The following RREB1 variants were observed in gnomAD, a reference collection of about 807,000 sequenced individuals.
RREB1 encodes ras-responsive element-binding protein 1.
Under a neutral mutation model 117.8 loss-of-function variants are expected in RREB1, and 27 were observed. The observed-to-expected ratio is 0.23, with a 90% CI of 0.17 to 0.32. The LOEUF (loss-of-function observed/expected upper bound fraction) is 0.32. RREB1 is among the 10% of genes least tolerant of loss of function. RREB1 has a pLI of 1.00. For missense variants in RREB1, 2,577 were observed against 2,378.2 expected, an observed-to-expected ratio of 1.08 and a Z score of -1.74; for synonymous variants, 1,298 against 1,026.7, an observed-to-expected ratio of 1.26 and a Z score of -5.05.
intron 8 of RREB1, among the ~76,000 whole-genome samples, chr6:7,222,678 C>A (rs1195174723): frequency 6.6e-6 from 1 of 152,072 alleles, no homozygotes; most frequent in African/African-American, 2.4e-5. Context: ...ATTAAAAATT[C>A]AAGCCAGGTG....
intron 1 of RREB1, among the ~76,000 whole-genome samples, chr6:7,141,698 A>G (rs749659029): frequency 1.8e-4 from 28 of 152,236 alleles, no homozygotes; most frequent in Non-Finnish European, 3.5e-4. Flanking sequence ...AAGAAAAACC[A>G]CGTATCTAGA....
At chr6:7,200,230 ATGTATGTGTGTATATG>A (rs1765880830) in intron 6 of RREB1, among the ~76,000 whole-genome samples, 1 of 142,708 alleles carries the variant, frequency 7.0e-6, no homozygotes, top group South Asian at 2.3e-4. Flanking sequence ...ATATATATAT[ATGTATGTGTGTATATG>A]TGTGTGTGTG....
intron 1 of RREB1, among the ~76,000 whole-genome samples, chr6:7,167,963 A>T (rs962616498): frequency 4.0e-5 from 6 of 151,604 alleles, no homozygotes; most frequent in African/African-American, 1.4e-4. Context: ...GCCAAAATTT[A>T]AGACTCCCCA....
At chr6:7,153,414 A>ACG (rs1491466809) in intron 1 of RREB1, among the ~76,000 whole-genome samples, 1 of 25,046 alleles carries the variant, frequency 4.0e-5, no homozygotes, top group Non-Finnish European at 1.1e-4. Context: ...GTAGTGGTAT[A>ACG]CACACACACA....
At chr6:7,201,103 G>T (rs1263775955) in intron 6 of RREB1, among the ~76,000 whole-genome samples, 1 of 152,156 alleles carries the variant, frequency 6.6e-6, no homozygotes, top group African/African-American at 2.4e-5. Context: ...CTTGCTGGGG[G>T]TAGGATGACT....
intron 1 of RREB1, among the ~76,000 whole-genome samples, chr6:7,172,867 G>C (rs1764292495): frequency 6.6e-6 from 1 of 152,214 alleles, no homozygotes; most frequent in African/African-American, 2.4e-5. Flanking sequence ...TTTGCAGGCA[G>C]AACAGGCATG....
intron 10 of RREB1, among the ~76,000 whole-genome samples, chr6:7,239,098 G>T (rs894871200): frequency 1.3e-5 from 2 of 152,232 alleles, no homozygotes; most frequent in African/African-American, 4.8e-5. Flanking sequence ...CATTCACAGG[G>T]GAGTGCGTGG....
At chr6:7,123,112 C>A (rs1761747977) in intron 1 of RREB1, among the ~76,000 whole-genome samples, 2 of 151,814 alleles carry the variant, frequency 1.3e-5, no homozygotes, top group African/African-American at 4.8e-5. Flanking sequence ...CGGCTGTTTT[C>A]TGGATATGTT....
chr6:7,230,128 G>A lies in RREB1; in HGVS notation c.2029G>A (p.Asp677Asn). 1 of 1,604,678 alleles carries A rather than the reference G, an allele frequency of 6.2e-7. No homozygotes were observed. Among genetic ancestry groups the A allele is most frequent in the Admixed American group, 1.7e-5 (1 of 59,794 alleles). The change falls in exon 10 of 13, where the codon GAC becomes AAC. Residue 677 changes from aspartate (D) to asparagine (N), a missense_variant. By Grantham distance (23) the Asp-to-Asn change is conservative. Coordinates refer to ENST00000379938, the MANE Select transcript of RREB1 (RefSeq NM_001003699.4). ...GISPYQCNIC[D>N]YIAADKAALI... is the part of the protein sequence containing the mutation. ...CTCGCCATACCAGTGCAACATCTGCGACTACATCGCCGCCGACAAGGCCGC... is the reference window on the plus strand; with the variant it reads ...CTCGCCATACCAGTGCAACATCTGCAACTACATCGCCGCCGACAAGGCCGC...
chr6:7,135,962 T>G (rs544695421), intron 1 of RREB1, among the ~76,000 whole-genome samples: 1 of 152,152 alleles, frequency 6.6e-6, no homozygotes, highest in Non-Finnish European at 1.5e-5. Context: ...GTGAGAGAGG[T>G]GGCATATGAC....
intron 6 of RREB1, among the ~76,000 whole-genome samples, chr6:7,208,876 C>G (rs868551222): frequency 6.6e-6 from 1 of 152,184 alleles, no homozygotes; most frequent in Non-Finnish European, 1.5e-5. Flanking sequence ...AGTTAACTGA[C>G]TGGCGTGGTC....
At chr6:7,234,001 T>C (rs1456067489) in intron 10 of RREB1, among the ~76,000 whole-genome samples, 3 of 151,918 alleles carry the variant, frequency 2.0e-5, no homozygotes, top group Admixed American at 2.0e-4. Context: ...CTGTGGTGGG[T>C]CCTTGAATCC....
intron 1 of RREB1, among the ~76,000 whole-genome samples, chr6:7,141,706 A>G (rs1434859185): frequency 1.3e-5 from 2 of 152,252 alleles, no homozygotes; most frequent in Non-Finnish European, 2.9e-5. Context: ...CCACGTATCT[A>G]GAAAATGCTC....
intron 1 of RREB1, among the ~76,000 whole-genome samples, chr6:7,164,556 G>A (rs1048557341): frequency 6.6e-6 from 1 of 152,208 alleles, no homozygotes; most frequent in Non-Finnish European, 1.5e-5. Context: ...GTCCACTGGT[G>A]TGTGAGTTCC....
chr6:7,189,087 A>G (rs1394483812), intron 5 of RREB1, 72 bp from the exon 6 acceptor site: 5 of 1,413,674 alleles, frequency 3.5e-6, no homozygotes, highest in Admixed American at 4.6e-5. Flanking sequence ...AAAGCTCTGG[A>G]TCTGCATTTC....
At chr6:7,217,762 T>C (rs935408839) in intron 8 of RREB1, 5 of 152,062 alleles carry the variant, frequency 3.3e-5, no homozygotes, top group African/African-American at 1.2e-4. Context: ...ATATAAAATT[T>C]TATATAAAAT....
Position 7,231,248 on chromosome 6 carries a change from C to T in RREB1, c.3149C>T (p.Pro1050Leu), listed in dbSNP as rs532327491. The T allele has an allele frequency of 5.1e-5, 82 of 1,612,612 alleles. No individual in the cohort carries two copies. The highest frequency in any genetic ancestry group is 6.3e-5 in the Non-Finnish European group (74 of 1,179,612). The change falls in exon 10 of 13, where the codon CCG becomes CTG. Residue 1050 changes from proline (P) to leucine (L), a missense_variant. Coordinates refer to ENST00000379938, the MANE Select transcript of RREB1 (RefSeq NM_001003699.4). ...ALLRPLRPKP[P>L]LLLPKPPVTE... Reference sequence around the variant, plus strand: ...CTGCGTCCACTGCGGCCCAAGCCCCCGCTGCTTTTGCCAAAGCCCCCCGTG... The same window carrying T: ...CTGCGTCCACTGCGGCCCAAGCCCCTGCTGCTTTTGCCAAAGCCCCCCGTG...
chr6:7,230,596 CCCGCAGAGGCGCCGG>C lies in RREB1; in HGVS notation c.2502_2516del (p.Pro837_Ala841del), dbSNP rs1406953692. The C allele has an allele frequency of 1.9e-6, 3 of 1,603,466 alleles. No individual in the cohort carries two copies. The highest frequency in any genetic ancestry group is 2.2e-5 in the East Asian group (1 of 44,508). On this transcript the variant is annotated inframe_deletion, in exon 10 of 13. Coordinates refer to ENST00000379938, the MANE Select transcript of RREB1 (RefSeq NM_001003699.4). ...CGTGCTGGCCGCCGACGGCCTGGGC[CCCGCAGAGGCGCCGG>C]CCGCTGAGGCGTCGGGGCGCGGGGA...
At chr6:7,127,535 G>A (rs552531883) in intron 1 of RREB1, among the ~76,000 whole-genome samples, 10 of 152,310 alleles carry the variant, frequency 6.6e-5, no homozygotes, top group Middle Eastern at 3.4e-3. Context: ...AAGGTCATTA[G>A]AGATTGGAAT....
Sources: gnomAD v4.1 joint callset for allele counts (sites outside exome capture counted in the v4.1 genomes callset) on GRCh38, gnomAD v4.1.1 for gene constraint, MANE v1.5 for transcripts, NCBI Gene and HGNC (gene_info 2026-07-23, HGNC 2026-07-21) for gene names.